Variants in PCDHGA5 observed in about 807,000 individuals in gnomAD.
PCDHGA5 encodes the protein protocadherin gamma subfamily A, 5.
Under a neutral mutation model 56.7 loss-of-function variants are expected in PCDHGA5, and 36 were observed. That is an observed-to-expected ratio of 0.64 (90% CI 0.49 to 0.84). The LOEUF is 0.84. Ranked by LOEUF, PCDHGA5 falls within the 40% of genes least tolerant of loss-of-function variation. PCDHGA5 has a pLI of 0.00. For missense variants in PCDHGA5, 1,305 were observed against 1,201.5 expected (o/e 1.09, Z -1.27); for synonymous variants, 563 against 520.2 (o/e 1.08, Z -1.12).
chr5:141,374,274 T>C lies in PCDHGA5; in HGVS notation c.2421+7523T>C, dbSNP rs981240859. ...CCCCAGGAGTTGGCGGAGCACGGAG[T>C]CCGCATCGTCTCCAGAGGTAGGATG... On this transcript the variant is annotated intron_variant, in intron 1 of 3. Transcript: ENST00000518069. The C allele has an allele frequency of 6.2e-7, 1 of 1,613,742 alleles. No homozygotes were observed. Among genetic ancestry groups the C allele is most frequent in the African/African-American group, 1.3e-5 (1 of 74,888 alleles).
intron 1 of PCDHGA5, chr5:141,389,425 C>T (rs1464186383): frequency 3.1e-6 from 5 of 1,613,500 alleles, no homozygotes; most frequent in Admixed American, 1.7e-5. Flanking sequence ...GTGGTGTTCG[C>T]GCAGCGCGCC....
At chr5:141,370,384 C>T (rs777134390) in intron 1 of PCDHGA5, 6 of 1,534,384 alleles carry the variant, frequency 3.9e-6, no homozygotes, top group Non-Finnish European at 5.2e-6. Context: ...GGCAAAGGCG[C>T]AGAGAGCGGG....
At position 141,373,421 on chromosome 5, in the gene PCDHGA5, G is replaced by A. The variant is rs139166526; in HGVS notation, c.2421+6670G>A. The stretch of plus-strand genomic sequence containing the variant: ...GCCTGTAGTCCCAGCTACTCGGGAG[G>A]CTGAGGTGGGAGGATCCCTTGATCC... On this transcript the variant is annotated intron_variant, in intron 1 of 3. Transcript: ENST00000518069. 4.0e-3 allele frequency among the ~76,000 whole-genome samples: 615 copies of A among 152,344 alleles called. 6 individuals carry two copies. The highest frequency in any genetic ancestry group is 0.011 in the Admixed American group (171 of 15,306).
At chr5:141,419,570 G>A (rs751047365) in intron 1 of PCDHGA5, 3 of 1,611,764 alleles carry the variant, frequency 1.9e-6, no homozygotes, top group Non-Finnish European at 2.5e-6. Flanking sequence ...GGGTCCCGAC[G>A]GCTCCGCGCT....
At chr5:141,404,832 G>T in intron 1 of PCDHGA5, 1 of 1,613,864 alleles carries the variant, frequency 6.2e-7, no homozygotes, top group Non-Finnish European at 8.5e-7. Flanking sequence ...GGTGAAGTGC[G>T]CACAGCTCGG....
At chr5:141,466,180 A>AT (rs922532578) in intron 1 of PCDHGA5, among the ~76,000 whole-genome samples, 11 of 151,256 alleles carry the variant, frequency 7.3e-5, no homozygotes, top group South Asian at 2.1e-4. Context: ...TTTTATTTTT[A>AT]TTTTTTTTCA....
chr5:141,473,362 C>A (rs2099320242), intron 1 of PCDHGA5, among the ~76,000 whole-genome samples: 1 of 152,166 alleles, frequency 6.6e-6, no homozygotes, highest in Admixed American at 6.5e-5. Context: ...AAGTGGCCAC[C>A]AAAATAGCAT....
At chr5:141,428,448 T>C in intron 1 of PCDHGA5, 12 of 375,612 alleles carry the variant, frequency 3.2e-5, no homozygotes, top group South Asian at 2.4e-4. Flanking sequence ...CAGGGGTTTT[T>C]CCCAACTACA....
At chr5:141,449,818 A>G (rs1446661913) in intron 1 of PCDHGA5, among the ~76,000 whole-genome samples, 2 of 151,708 alleles carry the variant, frequency 1.3e-5, no homozygotes, top group Non-Finnish European at 2.9e-5. Flanking sequence ...GTATTTCCTA[A>G]CAAGGACATT....
Position 141,430,800 on chromosome 5 carries a change from T to C in PCDHGA5, c.2422-64007T>C, listed in dbSNP as rs770490590. 2.6e-6 allele frequency: 4 copies of C among 1,524,818 alleles called. No homozygotes were observed. In the South Asian group the frequency reaches 5.3e-5, roughly 20 times the overall value. 94.5% of individuals were successfully genotyped at this position (1,524,818 alleles called of 1,614,324 possible). A position where few individuals can be genotyped will look rare whatever the true frequency, so the allele number is the denominator to read the frequency against. ...CTGCACCGGGACTACAAAGGGCTTG[T>C]CCTGCTGGGAATCCTCCTGGGGACT... is the stretch of plus-strand genomic sequence containing the variant. On this transcript the variant is annotated intron_variant, in intron 1 of 3. Transcript: ENST00000518069.
chr5:141,381,826 C>CTTTTTTTTTTTTTTTTTT (rs770630741), intron 1 of PCDHGA5, among the ~76,000 whole-genome samples: 6 of 74,288 alleles, frequency 8.1e-5, no homozygotes, highest in East Asian at 3.6e-4. Flanking sequence ...CTTTCTTCTT[C>CTTTTTTTTTTTTTTTTTT]TTTTTTTTTT....
At chr5:141,381,530 T>C (rs1035264051) in intron 1 of PCDHGA5, among the ~76,000 whole-genome samples, 1 of 152,196 alleles carries the variant, frequency 6.6e-6, no homozygotes. Context: ...TTGAATTGCA[T>C]ACTAGGATGA....
At chr5:141,420,327 A>G in intron 1 of PCDHGA5, 1 of 1,425,478 alleles carries the variant, frequency 7.0e-7, no homozygotes, top group South Asian at 1.5e-5. Context: ...ATGCCAATAT[A>G]TTCCAATATA....
At chr5:141,416,576 A>C (rs1300203182) in intron 1 of PCDHGA5, 2 of 152,204 alleles carry the variant, frequency 1.3e-5, no homozygotes, top group Non-Finnish European at 2.9e-5. Flanking sequence ...TGAAATTGAG[A>C]GGCAAAATAA....
At chr5:141,501,290 TACACACACACACACACAC>T (rs55762287) in intron 2 of PCDHGA5, among the ~76,000 whole-genome samples, 6 of 136,162 alleles carry the variant, frequency 4.4e-5, no homozygotes, top group South Asian at 2.4e-4. Flanking sequence ...TATTCCCTTA[TACACACACACACACACAC>T]ACACACACAC....
intron 1 of PCDHGA5, chr5:141,423,380 G>A: frequency 6.2e-7 from 1 of 1,614,178 alleles, no homozygotes; most frequent in Non-Finnish European, 8.5e-7. Context: ...CTCAGGCTGT[G>A]GCGCTGGCAT....
chr5:141,444,947 C>G (rs2098452252), intron 1 of PCDHGA5, among the ~76,000 whole-genome samples: 1 of 152,054 alleles, frequency 6.6e-6, no homozygotes, highest in Non-Finnish European at 1.5e-5. Context: ...GGAGGAGGAT[C>G]ATCTTAACAA....
At position 141,450,045 on chromosome 5, in the gene PCDHGA5, C is replaced by T. The variant is rs369046547; in HGVS notation, c.2422-44762C>T. On this transcript the variant is annotated intron_variant, in intron 1 of 3. Transcript: ENST00000518069. Reference sequence around the variant, plus strand: ...TTTTTGAGACAGGGTCTCACTCTTTCGCCCAGGCTGGAATGCAGTGGTATG... The same window carrying T: ...TTTTTGAGACAGGGTCTCACTCTTTTGCCCAGGCTGGAATGCAGTGGTATG... 4.6e-5 allele frequency among the ~76,000 whole-genome samples: 6 copies of T among 129,508 alleles called. No individual in the cohort carries two copies. In the South Asian group the frequency reaches 9.6e-4, roughly 21 times the overall value. 85.0% of individuals were successfully genotyped at this position (129,508 alleles called of 152,430 possible).
intron 1 of PCDHGA5, chr5:141,418,567 T>C: frequency 6.2e-7 from 1 of 1,614,014 alleles, no homozygotes; most frequent in Non-Finnish European, 8.5e-7. Flanking sequence ...TAGATGCCAA[T>C]GACAACCCCC....
Sources: allele counts gnomAD v4.1 joint callset (sites outside exome capture counted in the v4.1 genomes callset), GRCh38; gene constraint gnomAD v4.1.1; transcripts MANE v1.5; gene names NCBI Gene and HGNC (gene_info 2026-07-23, HGNC 2026-07-21).